The following HOOK1 variants were observed in gnomAD, a reference collection of about 807,000 sequenced individuals.
HOOK1 encodes the protein hook microtubule tethering protein 1.
A neutral mutation model predicts 112.8 loss-of-function variants in HOOK1; 60 were observed. The ratio of observed to expected loss-of-function variants is 0.53; its 90% confidence interval spans 0.43 to 0.66. HOOK1 has a LOEUF of 0.66. Ranked by LOEUF, HOOK1 falls within the 30% of genes least tolerant of loss-of-function variation. HOOK1 has a pLI of 0.00. For synonymous variants in HOOK1, 294 were observed against 283.8 expected (o/e 1.04, Z -0.36); for missense variants, 770 against 856.0 (o/e 0.90, Z 1.25).
At chr1:59,858,297 T>G (rs2098411739) in intron 12 of HOOK1, 131 bp from the exon 13 acceptor site, 2 of 660,262 alleles carry the variant, frequency 3.0e-6, no homozygotes, top group South Asian at 1.9e-5. Flanking sequence ...AAAATGAGCT[T>G]CTTAAAACTA....
chr1:59,828,683 C>A, intron 2 of HOOK1, 97 bp from the exon 3 acceptor site: 1 of 921,256 alleles, frequency 1.1e-6, no homozygotes, highest in Non-Finnish European at 1.7e-6. Flanking sequence ...TAAGGATAGG[C>A]TTTAAGACAT....
intron 8 of HOOK1, among the ~76,000 whole-genome samples, chr1:59,841,648 G>T (rs2098401070): frequency 6.6e-6 from 1 of 151,880 alleles, no homozygotes; most frequent in African/African-American, 2.4e-5. Flanking sequence ...ATTTTAAATG[G>T]GATCATATTC....
At chr1:59,835,783 TCACGTAAGAAG>T (rs1391125550) in intron 6 of HOOK1, among the ~76,000 whole-genome samples, 1 of 152,096 alleles carries the variant, frequency 6.6e-6, no homozygotes, top group Non-Finnish European at 1.5e-5. Context: ...GGCATTAGAT[TCACGTAAGAAG>T]CGTTCACAGT....
In HOOK1 at chr1:59,874,017, G is replaced by A. The variant is rs1035194610; in HGVS notation, c.*1052G>A. The stretch of plus-strand genomic sequence containing the variant: ...CTGCCCAAAGCTCTTATTTTCAGAG[G>A]TGTTACTTTTGAACTTTTGGGGTCA... On this transcript the variant is annotated 3_prime_UTR_variant, in exon 22 of 22. Transcript: ENST00000371208. The A allele has an allele frequency of 6.6e-6, 1 of 151,746 alleles. No homozygotes were observed. Among genetic ancestry groups the A allele is most frequent in the African/African-American group, 2.4e-5 (1 of 41,330 alleles). The allele number at this position is 151,746 out of a possible 1,614,324, so 9.4% of individuals were successfully genotyped here.
At chr1:59,819,973 C>G (rs2098384359) in intron 1 of HOOK1, among the ~76,000 whole-genome samples, 1 of 152,160 alleles carries the variant, frequency 6.6e-6, no homozygotes, top group South Asian at 2.1e-4. Context: ...GTCATCAGAG[C>G]CATTGCAGGA....
In HOOK1 at chr1:59,847,073, G is replaced by A; in HGVS notation, c.817G>A (p.Val273Ile). Residue 273 changes from valine to isoleucine, a missense_variant, in exon 10 of 22, where the codon GTT (valine) becomes ATT (isoleucine). Transcript: ENST00000371208. ...RLEAAKDDYR[V>I]HCEELEKQLI... ...TGAAGCTGCAAAAGATGATTACCGT[G>A]TTCACTGTGAAGAACTTGAAAAGCA... 2 of 1,608,338 alleles carry A rather than the reference G, an allele frequency of 1.2e-6. No homozygotes were observed. The highest frequency in any genetic ancestry group is 1.7e-6 in the Non-Finnish European group (2 of 1,177,114).
intron 17 of HOOK1, 76 bp downstream of exon 17, chr1:59,864,742 C>G: frequency 2.2e-6 from 2 of 916,934 alleles, no homozygotes; most frequent in South Asian, 3.0e-5. Context: ...ATCTCCTTTT[C>G]GGATTTTGTC....
Position 59,875,841 on chromosome 1 carries a change from G to A in HOOK1, c.*2876G>A, listed in dbSNP as rs940291804. 6.6e-6 allele frequency: 1 copy of A among 152,188 alleles called. No homozygotes were observed. The highest frequency in any genetic ancestry group is 2.4e-5 in the African/African-American group (1 of 41,440). 9.4% of individuals were successfully genotyped at this position (152,188 alleles called of 1,614,324 possible). A position where few individuals can be genotyped will look rare whatever the true frequency, so the allele number is the denominator to read the frequency against. On this transcript the variant is annotated 3_prime_UTR_variant, in exon 22 of 22. Transcript: ENST00000371208. ...GTCAAATGATTTAGTATAGATTAAT[G>A]ACATCTTTTTTAGAAATATTAAAGT...
chr1:59,859,117 G>T (rs1418467735), intron 14 of HOOK1, 72 bp downstream of exon 14: 11 of 625,994 alleles, frequency 1.8e-5, no homozygotes, highest in Non-Finnish European at 2.6e-5. Context: ...AAATGTCTTG[G>T]CCTTTAAAAA....
At chr1:59,824,896 G>T (rs77512581) in intron 2 of HOOK1, among the ~76,000 whole-genome samples, 3,849 of 152,292 alleles carry the variant, frequency 0.025, 177 homozygotes, top group African/African-American at 0.089. Context: ...GTACCAAAGT[G>T]CCACAGACCA....
rs548501058 is a variant in HOOK1 at position 59,875,407 on chromosome 1, T to C, written c.*2442T>C. ...GACTAATGTAATTTAAAGTTCTGTA[T>C]TATTGTGATTAATCATACAGAAATT... On this transcript the variant is annotated 3_prime_UTR_variant, in exon 22 of 22. Transcript: ENST00000371208. 6.5e-6 allele frequency: 1 copy of C among 152,750 alleles called. No homozygotes were observed. Among genetic ancestry groups the C allele is most frequent in the South Asian group, 2.1e-4 (1 of 4,830 alleles). The allele number at this position is 152,750 out of a possible 1,614,324, so 9.5% of individuals were successfully genotyped here.
intron 2 of HOOK1, among the ~76,000 whole-genome samples, chr1:59,827,606 G>A (rs571023687): frequency 6.6e-6 from 1 of 152,200 alleles, no homozygotes; most frequent in South Asian, 2.1e-4. Flanking sequence ...GAATAGTTGA[G>A]CACAACTAAT....
Position 59,832,942 on chromosome 1 carries a change from AAAAG to A in HOOK1, c.274-457_274-454del, listed in dbSNP as rs542941014. 4.0e-3 allele frequency among the ~76,000 whole-genome samples: 611 copies of A among 152,282 alleles called. 3 individuals are homozygous for A. The highest frequency in any genetic ancestry group is 0.014 in the African/African-American group (571 of 41,586). On this transcript the variant is annotated intron_variant, in intron 4 of 21. Coordinates refer to ENST00000371208, the MANE Select transcript of HOOK1 (RefSeq NM_015888.6). ...CCTTTTAATCAGCTAAAAAATAAGA[AAAAG>A]AAAGATAAGACCAGGAAAAAAAATT...
At chr1:59,859,873 A>G (rs906867639) in intron 14 of HOOK1, among the ~76,000 whole-genome samples, 1 of 152,148 alleles carries the variant, frequency 6.6e-6, no homozygotes. Flanking sequence ...CCAAAGTAAT[A>G]TAATTTCTAT....
At chr1:59,835,980 T>C (rs115813577) in intron 6 of HOOK1, among the ~76,000 whole-genome samples, 2,418 of 152,092 alleles carry the variant, frequency 0.016, 76 homozygotes, top group African/African-American at 0.056. Flanking sequence ...TTTAAATAAC[T>C]TCAACTAAGC....
chr1:59,823,116 C>T (rs748918635), intron 2 of HOOK1, among the ~76,000 whole-genome samples: 23 of 152,164 alleles, frequency 1.5e-4, no homozygotes, highest in South Asian at 2.1e-4. Flanking sequence ...GTCAGCAGAT[C>T]GAGACCATCC....
At chr1:59,816,132 TGTAAACA>T (rs2098381312) in intron 1 of HOOK1, among the ~76,000 whole-genome samples, 1 of 152,198 alleles carries the variant, frequency 6.6e-6, no homozygotes, top group African/African-American at 2.4e-5. Context: ...GCAGATGGAA[TGTAAACA>T]GACGGGATCA....
intron 21 of HOOK1, among the ~76,000 whole-genome samples, chr1:59,871,320 C>G (rs955588078): frequency 6.6e-6 from 1 of 152,176 alleles, no homozygotes; most frequent in African/African-American, 2.4e-5. Context: ...AATCCACTAA[C>G]TTGATATTGT....
In HOOK1 at chr1:59,830,433, A is replaced by T. The variant is rs573881551; in HGVS notation, c.222+1581A>T. Among the ~76,000 whole-genome samples the T allele has an allele frequency of 4.0e-4, 61 of 152,254 alleles. 1 individual carries two copies. Among genetic ancestry groups the T allele is most frequent in the African/African-American group, 1.3e-3 (56 of 41,590 alleles). ...GTGTTCTTGAATGAATTCACTTATT[A>T]TGAAATGCTTTTCTTTATCCCTGGT... On this transcript the variant is annotated intron_variant, in intron 3 of 21. Transcript: ENST00000371208.
Sources: allele counts gnomAD v4.1 joint callset (sites outside exome capture counted in the v4.1 genomes callset), GRCh38; gene constraint gnomAD v4.1.1; transcripts MANE v1.5; gene names NCBI Gene and HGNC (gene_info 2026-07-23, HGNC 2026-07-21).